Variants in CCDC141 observed in about 807,000 individuals in gnomAD.
The protein encoded by CCDC141 is coiled-coil domain-containing protein 141.
CCDC141 carries 168 observed loss-of-function variants against 181.0 expected under a neutral mutation model. That is an observed-to-expected ratio of 0.93 (90% confidence interval 0.82 to 1.05). The LOEUF (loss-of-function observed/expected upper bound fraction) is 1.05, where lower values mean the gene tolerates loss of function less well. CCDC141 is among the 50% of genes least tolerant of loss of function. The pLI, the probability that CCDC141 is intolerant of heterozygous loss-of-function variation, is 0.00. For missense variants in CCDC141, 1,902 were observed against 1,788.5 expected, an observed-to-expected ratio of 1.06 and a Z score of -1.14; for synonymous variants, 666 against 642.3, an observed-to-expected ratio of 1.04 and a Z score of -0.56.
Position 178,979,102 on chromosome 2 carries a change from T to C in CCDC141, c.226-427A>G, listed in dbSNP as rs561491809. 2.0e-5 allele frequency among the ~76,000 whole-genome samples: 3 copies of C among 152,356 alleles called. 1 individual carries two copies. In the South Asian group the frequency reaches 6.2e-4, roughly 32 times the overall value. ...AAATAATTGTCATTAGTTGTTAATA[T>C]GACCGTGACGATTAATGTAAATATT... is the stretch of plus-strand genomic sequence containing the variant. On this transcript the variant is annotated intron_variant, in intron 2 of 23. Transcript: ENST00000443758.
intron 2 of CCDC141, among the ~76,000 whole-genome samples, chr2:179,010,412 A>G (rs1232895383): frequency 3.9e-5 from 6 of 152,148 alleles, no homozygotes; most frequent in Non-Finnish European, 8.8e-5. Context: ...ATTGCCACAT[A>G]CTCTATAAAG....
At chr2:178,877,649 G>A (rs966212228) in intron 12 of CCDC141, 1 of 377,282 alleles carries the variant, frequency 2.7e-6, no homozygotes, top group Admixed American at 4.7e-5. Context: ...GGACCTTGTT[G>A]CATGCTTTCA....
chr2:178,843,163 T>C (rs1561627104), intron 22 of CCDC141, among the ~76,000 whole-genome samples: 1 of 152,218 alleles, frequency 6.6e-6, no homozygotes, highest in Non-Finnish European at 1.5e-5. Flanking sequence ...TACGCAATAG[T>C]TCCTGGGAGC....
intron 2 of CCDC141, among the ~76,000 whole-genome samples, chr2:178,983,354 G>A (rs1472607966): frequency 6.6e-6 from 1 of 152,140 alleles, no homozygotes; most frequent in Non-Finnish European, 1.5e-5. Context: ...ATAAAACCAC[G>A]AAGAGGGGGA....
At chr2:178,871,345 T>C in intron 14 of CCDC141, 82 bp downstream of exon 14, 1 of 1,433,558 alleles carries the variant, frequency 7.0e-7, no homozygotes, top group Non-Finnish European at 9.5e-7. Context: ...CACCAGCCTG[T>C]TACAATTAAT....
chr2:179,034,643 T>C (rs2043089852), intron 2 of CCDC141, among the ~76,000 whole-genome samples: 1 of 152,220 alleles, frequency 6.6e-6, no homozygotes, highest in African/African-American at 2.4e-5. Context: ...ATTTGAATGC[T>C]TTCCGGTTTC....
the CCDC141 span, among the ~76,000 whole-genome samples, chr2:178,824,061 A>AACACACACACAC: frequency 0.01 from 1,492 of 147,506 alleles, 15 homozygotes; most frequent in Middle Eastern, 0.028. Context: ...TACAGAGAAA[A>AACACACACACAC]ACACACACAC....
chr2:179,031,507 T>C (rs2042999924), intron 2 of CCDC141, among the ~76,000 whole-genome samples: 8 of 152,074 alleles, frequency 5.3e-5, no homozygotes, highest in Admixed American at 5.2e-4. Flanking sequence ...ATCTTCATTT[T>C]TTCCATCATT....
At chr2:178,820,658 G>A in the CCDC141 span, among the ~76,000 whole-genome samples, 3 of 152,070 alleles carry the variant, frequency 2.0e-5, no homozygotes, top group Admixed American at 1.3e-4. Context: ...TGAAATGAAA[G>A]AATTTTTTTA....
intron 5 of CCDC141, 54 bp from the exon 6 acceptor site, chr2:178,944,705 G>T: frequency 1.4e-6 from 1 of 738,940 alleles, no homozygotes; most frequent in Non-Finnish European, 2.1e-6. Flanking sequence ...GAATAAGTGA[G>T]TAAAAATTCA....
intron 5 of CCDC141, among the ~76,000 whole-genome samples, chr2:178,960,693 T>C (rs936796525): frequency 3.3e-5 from 5 of 152,158 alleles, no homozygotes; most frequent in African/African-American, 1.2e-4. Context: ...GGTAATGAGC[T>C]CTAATGAGCC....
At chr2:179,047,105 A>C (rs1294815104) in intron 2 of CCDC141, among the ~76,000 whole-genome samples, 179 bp downstream of exon 2, 1 of 152,230 alleles carries the variant, frequency 6.6e-6, no homozygotes, top group Non-Finnish European at 1.5e-5. Flanking sequence ...AATTTTTAAA[A>C]ATATTGTTAC....
At chr2:178,854,390 G>T (rs762257065) in intron 19 of CCDC141, among the ~76,000 whole-genome samples, 8 of 152,190 alleles carry the variant, frequency 5.3e-5, no homozygotes, top group Non-Finnish European at 8.8e-5. Flanking sequence ...CGGGCGTGGT[G>T]GTGGGCGCCT....
At chr2:178,969,962 G>A (rs576734616) in intron 4 of CCDC141, among the ~76,000 whole-genome samples, 1 of 152,238 alleles carries the variant, frequency 6.6e-6, no homozygotes. Context: ...AAAATCACAA[G>A]CATTCCTATA....
At chr2:178,844,385 G>A (rs778295287) in intron 22 of CCDC141, among the ~76,000 whole-genome samples, 3 of 152,134 alleles carry the variant, frequency 2.0e-5, no homozygotes, top group South Asian at 2.1e-4. Context: ...ACTACAATGC[G>A]TAGGACAGCT....
At chr2:178,957,066 G>A (rs974177037) in intron 5 of CCDC141, among the ~76,000 whole-genome samples, 2 of 152,016 alleles carry the variant, frequency 1.3e-5, no homozygotes, top group African/African-American at 2.4e-5. Flanking sequence ...AGTAGAGATG[G>A]GGTTTCTCCA....
At chr2:178,980,658 A>T (rs1242549772) in intron 2 of CCDC141, among the ~76,000 whole-genome samples, 1 of 152,212 alleles carries the variant, frequency 6.6e-6, no homozygotes, top group Non-Finnish European at 1.5e-5. Context: ...GAATAATAAG[A>T]CTCAAGTATA....
At position 178,869,816 on chromosome 2, in the gene CCDC141, C is replaced by A. The variant is rs547968152; in HGVS notation, c.2206-511G>T. Among the ~76,000 whole-genome samples, 428 of 152,306 alleles carry A rather than the reference C, an allele frequency of 2.8e-3. 2 individuals are homozygous for A. Among genetic ancestry groups the A allele is most frequent in the African/African-American group, 9.9e-3 (410 of 41,568 alleles). On this transcript the variant is annotated intron_variant, in intron 14 of 23. Transcript: ENST00000443758. ...GATAGACTGCTTCAAAAGCGGTCAT[C>A]CCATGATCCACAAATAGCCATCACA...
chr2:178,870,249 A>G (rs1362294851), intron 14 of CCDC141, among the ~76,000 whole-genome samples: 1 of 151,384 alleles, frequency 6.6e-6, no homozygotes, highest in Non-Finnish European at 1.5e-5. Flanking sequence ...AAAAAAAAAA[A>G]AAAAAGACAG....
Sources: gnomAD v4.1 joint callset for allele counts (sites outside exome capture counted in the v4.1 genomes callset) on GRCh38, gnomAD v4.1.1 for gene constraint, MANE v1.5 for transcripts, NCBI Gene and HGNC (gene_info 2026-07-23, HGNC 2026-07-21) for gene names.